SFT2D2: variants seen among roughly 807,000 people sequenced by gnomAD.
SFT2D2 encodes vesicle transport protein SFT2B.
A neutral mutation model predicts 27.4 loss-of-function variants in SFT2D2; 21 were observed. That is an observed-to-expected ratio of 0.77 (90% CI 0.54 to 1.10). SFT2D2 has a LOEUF of 1.10. SFT2D2 is among the 50% of genes least tolerant of loss of function. SFT2D2 has a pLI of 0.00. For synonymous variants in SFT2D2, 72 were observed against 71.7 expected (o/e 1.00, Z -0.02); for missense variants, 187 against 194.2 (o/e 0.96, Z 0.22).
intron 7 of SFT2D2, 121 bp downstream of exon 7, chr1:168,239,281 A>G (rs1051683417): frequency 3.7e-5 from 26 of 710,340 alleles, no homozygotes; most frequent in Non-Finnish European, 5.4e-5. Flanking sequence ...GACAAATACT[A>G]TACATCTCAT....
chr1:168,239,267 A>G (rs983282318), intron 7 of SFT2D2, 107 bp downstream of exon 7: 16 of 845,920 alleles, frequency 1.9e-5, no homozygotes, highest in Non-Finnish European at 2.8e-5. Context: ...TTTTGAGTCA[A>G]GTAGACAAAT....
intron 2 of SFT2D2, 34 bp from the exon 3 acceptor site, chr1:168,231,800 T>G (rs2102328942): frequency 6.2e-7 from 1 of 1,605,546 alleles, no homozygotes; most frequent in East Asian, 2.2e-5. Flanking sequence ...GTGGGAGGGT[T>G]GCTCATGTGC....
Position 168,246,966 on chromosome 1 carries a change from A to G in SFT2D2, c.*4426A>G, listed in dbSNP as rs961747579. The G allele has an allele frequency of 1.6e-6, 1 of 636,706 alleles. No homozygotes were observed. Among genetic ancestry groups the G allele is most frequent in the East Asian group, 5.2e-5 (1 of 19,068 alleles). The allele number at this position is 636,706 out of a possible 1,614,324, so 39.4% of individuals were successfully genotyped here. A position where few individuals can be genotyped will look rare whatever the true frequency, so the allele number is the denominator to read the frequency against. ...CCTGAGCCTGGCAATTTCATCTTGC[A>G]TCAAATGGTTTTTATGCAACAGGTC... On this transcript the variant is annotated 3_prime_UTR_variant, in exon 8 of 8. Transcript: ENST00000271375.
Position 168,242,492 on chromosome 1 carries a change from C to A in SFT2D2, c.444-9C>A. On this transcript the variant is annotated splice_polypyrimidine_tract_variant and intron_variant, in intron 7 of 7. Coordinates refer to ENST00000271375, the MANE Select transcript of SFT2D2 (RefSeq NM_199344.3). ...CGTTCCACTCATCTTTGTGTCTTTT[C>A]TTTCCTAGGGATGCTGTGAAGAAGT... is the stretch of plus-strand genomic sequence containing the variant. 6.2e-7 allele frequency: 1 copy of A among 1,613,822 alleles called. No homozygotes were observed. Among genetic ancestry groups the A allele is most frequent in the South Asian group, 1.1e-5 (1 of 91,080 alleles).
At position 168,248,458 on chromosome 1, in the gene SFT2D2, A is replaced by G. The variant is rs1647875575; in HGVS notation, c.*5918A>G. 1 of 152,246 alleles carries G rather than the reference A, an allele frequency of 6.6e-6. No homozygotes were observed. The highest frequency in any genetic ancestry group is 2.1e-4 in the South Asian group (1 of 4,824). 9.4% of individuals were successfully genotyped at this position (152,246 alleles called of 1,614,324 possible). A position where few individuals can be genotyped will look rare whatever the true frequency, so the allele number is the denominator to read the frequency against. ...GCTGGTTTTCCAAGGGAATGCCTCT[A>G]GTTTTTGCCCATTCAGTATGATATT... is the stretch of plus-strand genomic sequence containing the variant. On this transcript the variant is annotated 3_prime_UTR_variant, in exon 8 of 8. Coordinates refer to ENST00000271375, the MANE Select transcript of SFT2D2 (RefSeq NM_199344.3).
intron 1 of SFT2D2, among the ~76,000 whole-genome samples, chr1:168,226,980 C>T (rs1406301001): frequency 1.3e-5 from 2 of 151,992 alleles, no homozygotes; most frequent in Non-Finnish European, 2.9e-5. Context: ...CCATCAAACC[C>T]GGCTAATTTT....
At position 168,247,184 on chromosome 1, in the gene SFT2D2, A is replaced by G. The variant is rs1647842907; in HGVS notation, c.*4644A>G. ...AGTTCCACTGATCTTTTACATAAAT[A>G]AACTGCATTTTTAATTTTCTTTTTT... is the stretch of plus-strand genomic sequence containing the variant. On this transcript the variant is annotated 3_prime_UTR_variant, in exon 8 of 8. Transcript: ENST00000271375. 1 of 269,572 alleles carries G rather than the reference A, an allele frequency of 3.7e-6. No individual in the cohort carries two copies. The highest frequency in any genetic ancestry group is 2.3e-5 in the African/African-American group (1 of 42,648). The allele number at this position is 269,572 out of a possible 1,614,324, so 16.7% of individuals were successfully genotyped here.
At chr1:168,242,380 TG>T in intron 7 of SFT2D2, 120 bp from the exon 8 acceptor site, 1 of 1,013,430 alleles carries the variant, frequency 9.9e-7, no homozygotes, top group Middle Eastern at 2.1e-4. Context: ...TTTGATGCTG[TG>T]AAGGTCTGAT....
Position 168,242,885 on chromosome 1 carries a change from A to G in SFT2D2, c.*345A>G, listed in dbSNP as rs1647686261. On this transcript the variant is annotated 3_prime_UTR_variant, in exon 8 of 8. Coordinates refer to ENST00000271375, the MANE Select transcript of SFT2D2 (RefSeq NM_199344.3). ...TGGGTGCAAGTGATTCCCAGGTGGC[A>G]AAAGGCAGCCCCATCAGAGATCACG... The G allele has an allele frequency of 3.2e-6, 1 of 315,186 alleles. No homozygotes were observed. The highest frequency in any genetic ancestry group is 3.3e-5 in the South Asian group (1 of 30,102). 19.5% of individuals were successfully genotyped at this position (315,186 alleles called of 1,614,324 possible). A position where few individuals can be genotyped will look rare whatever the true frequency, so the allele number is the denominator to read the frequency against.
In SFT2D2 at chr1:168,252,564, C is replaced by T. The variant is rs1250698218; in HGVS notation, c.*10024C>T. ...TGAAACGTGTTTATTTTGCCTCTGT[C>T]AATGTGTTTGCAACCTTAAGTAAGG... On this transcript the variant is annotated 3_prime_UTR_variant, in exon 8 of 8. Transcript: ENST00000271375. 2 of 151,744 alleles carry T rather than the reference C, an allele frequency of 1.3e-5. No individual in the cohort carries two copies. The highest frequency in any genetic ancestry group is 2.9e-5 in the Non-Finnish European group (2 of 67,958). The allele number at this position is 151,744 out of a possible 1,614,324, so 9.4% of individuals were successfully genotyped here.
chr1:168,226,220 CG>C, intron 1 of SFT2D2, 78 bp downstream of exon 1: 1 of 1,326,500 alleles, frequency 7.5e-7, no homozygotes, highest in African/African-American at 1.5e-5. Flanking sequence ...GGGAAGCCTG[CG>C]GGGACTCCCT....
chr1:168,236,928 C>T (rs560697177), intron 6 of SFT2D2, among the ~76,000 whole-genome samples, 158 bp downstream of exon 6: 1 of 152,318 alleles, frequency 6.6e-6, no homozygotes, highest in East Asian at 1.9e-4. Flanking sequence ...GGCTCCAGAG[C>T]AAATGCCTAT....
At chr1:168,234,807 A>G (rs1385015557) in intron 3 of SFT2D2, among the ~76,000 whole-genome samples, 1 of 152,166 alleles carries the variant, frequency 6.6e-6, no homozygotes, top group Non-Finnish European at 1.5e-5. Context: ...TAGTGGTATG[A>G]TATGATTCTA....
In SFT2D2 at chr1:168,245,097, A is replaced by T. The variant is rs1264560017; in HGVS notation, c.*2557A>T. ...TTCTAGCCACTGCAATCATGTTTTAATTGGGAGTAGGGGGAAAGAGGGAGG... is the reference window on the plus strand; with the variant it reads ...TTCTAGCCACTGCAATCATGTTTTATTTGGGAGTAGGGGGAAAGAGGGAGG... On this transcript the variant is annotated 3_prime_UTR_variant, in exon 8 of 8. Coordinates refer to ENST00000271375, the MANE Select transcript of SFT2D2 (RefSeq NM_199344.3). 1 of 152,130 alleles carries T rather than the reference A, an allele frequency of 6.6e-6. No homozygotes were observed. Among genetic ancestry groups the T allele is most frequent in the Non-Finnish European group, 1.5e-5 (1 of 68,024 alleles). 9.4% of individuals were successfully genotyped at this position (152,130 alleles called of 1,614,324 possible). A position where few individuals can be genotyped will look rare whatever the true frequency, so the allele number is the denominator to read the frequency against.
chr1:168,232,781 C>A (rs975782945), intron 3 of SFT2D2, among the ~76,000 whole-genome samples: 2 of 152,180 alleles, frequency 1.3e-5, no homozygotes, highest in Admixed American at 6.5e-5. Flanking sequence ...GCCAGGCAGA[C>A]AGACATATAA....
At chr1:168,235,318 T>C (rs1647466079) in intron 4 of SFT2D2, 136 bp downstream of exon 4, 1 of 839,084 alleles carries the variant, frequency 1.2e-6, no homozygotes, top group Non-Finnish European at 2.0e-6. Flanking sequence ...CCTATAACCA[T>C]GTGGCAGAAG....
rs1246994556 is a variant in SFT2D2 at position 168,243,225 on chromosome 1, C to G, written c.*685C>G. ...GGTTTTATTTCCCATCCCTCCCTCCCTCTCCCTGCATATCTTTCTTTATGA... is the reference window on the plus strand; with the variant it reads ...GGTTTTATTTCCCATCCCTCCCTCCGTCTCCCTGCATATCTTTCTTTATGA... On this transcript the variant is annotated 3_prime_UTR_variant, in exon 8 of 8. Transcript: ENST00000271375. 6.6e-6 allele frequency: 1 copy of G among 152,050 alleles called. No homozygotes were observed. The highest frequency in any genetic ancestry group is 1.5e-5 in the Non-Finnish European group (1 of 68,080). 9.4% of individuals were successfully genotyped at this position (152,050 alleles called of 1,614,324 possible). A position where few individuals can be genotyped will look rare whatever the true frequency, so the allele number is the denominator to read the frequency against.
intron 7 of SFT2D2, among the ~76,000 whole-genome samples, chr1:168,241,829 C>G (rs1002405980): frequency 6.6e-6 from 1 of 152,308 alleles, no homozygotes; most frequent in African/African-American, 2.4e-5. Context: ...CCATTCACCT[C>G]TCCCTCCCTT....
intron 4 of SFT2D2, 45 bp from the exon 5 acceptor site, chr1:168,236,542 TCC>T: frequency 6.4e-7 from 1 of 1,563,348 alleles, no homozygotes; most frequent in Non-Finnish European, 8.7e-7. Flanking sequence ...GTTTTTTTTT[TCC>T]TGCCATGTTA....
Sources: gnomAD v4.1 joint callset for allele counts (sites outside exome capture counted in the v4.1 genomes callset) on GRCh38, gnomAD v4.1.1 for gene constraint, MANE v1.5 for transcripts, NCBI Gene and HGNC (gene_info 2026-07-23, HGNC 2026-07-21) for gene names.